The following AGO2 variants were observed in gnomAD, a reference collection of about 807,000 sequenced individuals.
The protein encoded by AGO2 is protein argonaute-2.
A neutral mutation model predicts 102.3 loss-of-function variants in AGO2; 5 were observed. That is an observed-to-expected ratio of 0.05 (90% CI 0.03 to 0.10). The LOEUF (loss-of-function observed/expected upper bound fraction) is 0.10. Among genes scored for constraint, AGO2 ranks in the 10% least tolerant of loss-of-function variants. The pLI, the probability that AGO2 is intolerant of heterozygous loss-of-function variation, is 1.00. For synonymous variants in AGO2, 449 were observed against 473.1 expected, an observed-to-expected ratio of 0.95 and a Z score of 0.66; for missense variants, 541 against 1,183.7, an observed-to-expected ratio of 0.46 and a Z score of 7.97.
intron 3 of AGO2, among the ~76,000 whole-genome samples, chr8:140,571,307 T>C (rs1041671799): frequency 6.6e-6 from 1 of 152,220 alleles, no homozygotes; most frequent in Non-Finnish European, 1.5e-5. Flanking sequence ...GGCACTGAGA[T>C]TGCTGGGCCC....
At position 140,608,006 on chromosome 8, in the gene AGO2, C is replaced by G. The variant is rs543024944; in HGVS notation, c.23-22695G>C. 1.1e-4 allele frequency among the ~76,000 whole-genome samples: 16 copies of G among 152,268 alleles called. No homozygotes were observed. The East Asian group carries it at 3.1e-3, about 29-fold the overall frequency. On this transcript the variant is annotated intron_variant, in intron 1 of 18. Coordinates refer to ENST00000220592, the MANE Select transcript of AGO2 (RefSeq NM_012154.5). Reference sequence around the variant, plus strand: ...CAGCACTGAGCTCCTTTATGCTCCCCCTGGAGGAACTGATACCTTCCCCTG... The same window carrying G: ...CAGCACTGAGCTCCTTTATGCTCCCGCTGGAGGAACTGATACCTTCCCCTG...
intron 1 of AGO2, among the ~76,000 whole-genome samples, chr8:140,629,492 G>C (rs1488853503): frequency 6.6e-6 from 1 of 152,104 alleles, no homozygotes; most frequent in Admixed American, 6.6e-5. Context: ...ATGCGGACGG[G>C]GCTGCAGTTC....
At chr8:140,554,236 C>A (rs1293994623) in intron 10 of AGO2, among the ~76,000 whole-genome samples, 1 of 152,240 alleles carries the variant, frequency 6.6e-6, no homozygotes, top group East Asian at 1.9e-4. Flanking sequence ...GGATCACGGG[C>A]TCTTCCTCCT....
At chr8:140,630,491 T>G in intron 1 of AGO2, among the ~76,000 whole-genome samples, 1 of 152,214 alleles carries the variant, frequency 6.6e-6, no homozygotes. Flanking sequence ...ATTAGAATAG[T>G]GGCTACAGCG....
At chr8:140,623,328 G>C (rs1400391580) in intron 1 of AGO2, among the ~76,000 whole-genome samples, 1 of 152,020 alleles carries the variant, frequency 6.6e-6, no homozygotes, top group Non-Finnish European at 1.5e-5. Context: ...TCTCCTCTTG[G>C]GGGAATGAAG....
At chr8:140,532,295 C>A (rs1168438269) in intron 18 of AGO2, 121 bp downstream of exon 18, 1 of 1,402,678 alleles carries the variant, frequency 7.1e-7, no homozygotes, top group South Asian at 1.3e-5. Flanking sequence ...CATTAACAGG[C>A]CTTCTGGGGT....
At chr8:140,598,616 G>C (rs2073884359) in intron 1 of AGO2, among the ~76,000 whole-genome samples, 1 of 152,156 alleles carries the variant, frequency 6.6e-6, no homozygotes, top group Non-Finnish European at 1.5e-5. Flanking sequence ...CGACAGCCCT[G>C]GTGCCAAGCC....
intron 1 of AGO2, among the ~76,000 whole-genome samples, chr8:140,634,802 T>C (rs1422869332): frequency 6.6e-6 from 1 of 151,958 alleles, no homozygotes; most frequent in East Asian, 1.9e-4. Context: ...GGGAGCCGCG[T>C]CCTCCCCTTT....
intron 16 of AGO2, among the ~76,000 whole-genome samples, chr8:140,537,221 T>C (rs1303719818): frequency 6.6e-6 from 1 of 152,140 alleles, no homozygotes; most frequent in Non-Finnish European, 1.5e-5. Context: ...AGAACTTTTA[T>C]AACCCTTCCG....
At chr8:140,631,523 C>T (rs1403388619) in intron 1 of AGO2, among the ~76,000 whole-genome samples, 4 of 145,988 alleles carry the variant, frequency 2.7e-5, no homozygotes, top group East Asian at 2.0e-4. Flanking sequence ...GGTGACAGAG[C>T]GAGACTCCGT....
chr8:140,527,641 G>C lies in AGO2; in HGVS notation c.*4403C>G, dbSNP rs1194699665. On this transcript the variant is annotated 3_prime_UTR_variant, in exon 19 of 19. Coordinates refer to ENST00000220592, the MANE Select transcript of AGO2 (RefSeq NM_012154.5). The surrounding 1 kb of genome is among the most constrained non-coding windows in gnomAD (Gnocchi z 6.0). ...CAACTCCTCGGTCACTTTGGGGAAGGGCTTCAAACATAAATGAAATACTCA... is the reference window on the plus strand; with the variant it reads ...CAACTCCTCGGTCACTTTGGGGAAGCGCTTCAAACATAAATGAAATACTCA... 1 of 152,468 alleles carries C rather than the reference G, an allele frequency of 6.6e-6. No homozygotes were observed. The highest frequency in any genetic ancestry group is 2.4e-5 in the African/African-American group (1 of 41,406). 9.4% of individuals were successfully genotyped at this position (152,468 alleles called of 1,614,324 possible). A position where few individuals can be genotyped will look rare whatever the true frequency, so the allele number is the denominator to read the frequency against.
At chr8:140,597,480 C>CCCCCCCCCCCCCCCCCCCCCCCCCCCA (rs2073864620) in intron 1 of AGO2, among the ~76,000 whole-genome samples, 3 of 132,124 alleles carry the variant, frequency 2.3e-5, no homozygotes, top group Admixed American at 7.9e-5. Flanking sequence ...CCCCACCCCC[C>CCCCCCCCCCCCCCCCCCCCCCCCCCCA]CCCCCCCGCC....
intron 3 of AGO2, among the ~76,000 whole-genome samples, chr8:140,569,276 ATTG>A (rs1415167952): frequency 6.6e-6 from 1 of 152,150 alleles, no homozygotes; most frequent in Non-Finnish European, 1.5e-5. Flanking sequence ...AGGGTCTGCT[ATTG>A]TTCTGAGCTG....
intron 17 of AGO2, among the ~76,000 whole-genome samples, chr8:140,533,583 G>A (rs1253621941): frequency 6.6e-6 from 1 of 152,074 alleles, no homozygotes; most frequent in Admixed American, 6.5e-5. Flanking sequence ...GAGGCGGGCA[G>A]AACACCTGAG....
At chr8:140,573,018 T>G in intron 2 of AGO2, 86 bp from the exon 3 acceptor site, 2 of 1,502,322 alleles carry the variant, frequency 1.3e-6, no homozygotes, top group Non-Finnish European at 1.8e-6. Flanking sequence ...TATTTTTTTT[T>G]TTTTTTTTGA....
chr8:140,522,666 A>AAGAGAG lies in AGO2; in HGVS notation c.*9372_*9377dup, dbSNP rs151080112. 17 of 131,908 alleles carry AAGAGAG rather than the reference A, an allele frequency of 1.3e-4. No homozygotes were observed. Among genetic ancestry groups the AAGAGAG allele is most frequent in the African/African-American group, 4.8e-4 (16 of 33,316 alleles). 8.2% of individuals were successfully genotyped at this position (131,908 alleles called of 1,614,324 possible). A position where few individuals can be genotyped will look rare whatever the true frequency, so the allele number is the denominator to read the frequency against. On this transcript the variant is annotated 3_prime_UTR_variant, in exon 19 of 19. Transcript: ENST00000220592. ...AGCTATGGCCATAGCCAAGCTAGAC[A>AAGAGAG]AGAGAGAGAGAGAGAGACAGAGACA...
Position 140,540,378 on chromosome 8 carries a change from TG to T in AGO2, c.2034+785del, listed in dbSNP as rs1259592244. 1.3e-5 allele frequency among the ~76,000 whole-genome samples: 2 copies of T among 151,946 alleles called. No individual in the cohort carries two copies. Among genetic ancestry groups the T allele is most frequent in the Non-Finnish European group, 2.9e-5 (2 of 67,978 alleles). On this transcript the variant is annotated intron_variant, in intron 15 of 18. Coordinates refer to ENST00000220592, the MANE Select transcript of AGO2 (RefSeq NM_012154.5). This position sits in a 1 kb window ranked among gnomAD's most constrained non-coding sequence, Gnocchi z 5.0. The stretch of plus-strand genomic sequence containing the variant: ...GGTGGGGCTCCTCCCCCAACATGCC[TG>T]GGGCCGCTTTCTTCTGCTTTTCTTG...
At chr8:140,558,941 T>A (rs140485484) in intron 6 of AGO2, among the ~76,000 whole-genome samples, 3 of 152,214 alleles carry the variant, frequency 2.0e-5, no homozygotes, top group Admixed American at 6.5e-5. Context: ...GGGCCCCCCA[T>A]TCTGTTGCTG....
At chr8:140,577,602 G>A (rs34051681) in intron 2 of AGO2, among the ~76,000 whole-genome samples, 35,860 of 152,156 alleles carry the variant, frequency 0.24, 4,704 homozygotes, top group Non-Finnish European at 0.3. Context: ...TCTTGAGGAG[G>A]AGCAGCTGGA....
Sources: gnomAD v4.1 joint callset for allele counts (sites outside exome capture counted in the v4.1 genomes callset) on GRCh38, gnomAD v4.1.1 for gene constraint, Gnocchi (gnomAD v3.1) non-coding constraint, MANE v1.5 for transcripts, NCBI Gene and HGNC (gene_info 2026-07-23, HGNC 2026-07-21) for gene names.